MROH7: variants seen among roughly 807,000 people sequenced by gnomAD.
MROH7 encodes the protein maestro heat like repeat family member 7.
A neutral mutation model predicts 129.2 loss-of-function variants in MROH7; 113 were observed. The ratio of observed to expected loss-of-function variants is 0.87; its 90% confidence interval spans 0.75 to 1.02. MROH7 has a LOEUF of 1.02. Ranked by LOEUF, MROH7 falls within the 50% of genes least tolerant of loss-of-function variation. The probability of loss-of-function intolerance (pLI) is 0.00; values close to 1 mark genes in which losing one functional copy is unlikely to be tolerated. For synonymous variants in MROH7, 655 were observed against 667.9 expected (o/e 0.98, Z 0.30); for missense variants, 1,601 against 1,671.3 (o/e 0.96, Z 0.73).
At chr1:54,673,302 T>G (rs1395694909) in intron 8 of MROH7, 116 bp downstream of exon 8, 1 of 737,870 alleles carries the variant, frequency 1.4e-6, no homozygotes, top group Non-Finnish European at 2.3e-6. Context: ...GGATGTCATC[T>G]TGTGTGAGTG....
intron 3 of MROH7, among the ~76,000 whole-genome samples, chr1:54,655,930 G>A (rs1406384236): frequency 3.6e-5 from 5 of 138,036 alleles, no homozygotes; most frequent in African/African-American, 8.2e-5. Context: ...GTCTTGCTCC[G>A]TCACCAAGGC....
At chr1:54,700,011 G>T in intron 17 of MROH7, 1 of 633,530 alleles carries the variant, frequency 1.6e-6, no homozygotes, top group East Asian at 2.7e-5. Flanking sequence ...TTGGTTGGAA[G>T]CTGGCTGGCT....
At chr1:54,652,518 C>A (rs906654833) in intron 2 of MROH7, among the ~76,000 whole-genome samples, 18 of 152,226 alleles carry the variant, frequency 1.2e-4, no homozygotes, top group Non-Finnish European at 2.9e-5. Context: ...AGAGCTAGAA[C>A]ACTAAATGAA....
chr1:54,702,255 C>A lies in MROH7; in HGVS notation c.3441+10C>A. On this transcript the variant is annotated intron_variant, in intron 20 of 23. Transcript: ENST00000421030. ...CTCCAAGGTAAGCCAGGTGAGTGTG[C>A]GTGGGCCCTGCACCCTCTACCCCTC... 6.7e-7 allele frequency: 1 copy of A among 1,496,442 alleles called. No individual in the cohort carries two copies. 92.7% of individuals were successfully genotyped at this position (1,496,442 alleles called of 1,614,324 possible).
At chr1:54,671,822 G>A (rs1178248974) in intron 7 of MROH7, among the ~76,000 whole-genome samples, 1 of 152,068 alleles carries the variant, frequency 6.6e-6, no homozygotes, top group Non-Finnish European at 1.5e-5. Context: ...TGGGGGAGAT[G>A]GATGGTATCA....
At chr1:54,643,772 T>C (rs1200047447) in intron 1 of MROH7, among the ~76,000 whole-genome samples, 1 of 152,216 alleles carries the variant, frequency 6.6e-6, no homozygotes, top group African/African-American at 2.4e-5. Context: ...CTTGCATGCA[T>C]TTTTATTTCA....
At chr1:54,673,216 G>A in intron 8 of MROH7, 30 bp downstream of exon 8, 3 of 1,534,490 alleles carry the variant, frequency 2.0e-6, no homozygotes, top group African/African-American at 1.4e-5. Flanking sequence ...AAGGAAGGGA[G>A]GGGAGGAAGG....
Position 54,686,247 on chromosome 1 carries a change from C to T in MROH7, c.2521-11C>T. ...CCACGACATCCCAGCAGCCTCCCCT[C>T]TGCCCCATAGGCAGCCAGCGGCCTG... On this transcript the variant is annotated splice_polypyrimidine_tract_variant and intron_variant, in intron 14 of 23. Coordinates refer to ENST00000421030, the MANE Select transcript of MROH7 (RefSeq NM_001039464.4). 1 of 1,607,162 alleles carries T rather than the reference C, an allele frequency of 6.2e-7. No individual in the cohort carries two copies. The highest frequency in any genetic ancestry group is 8.5e-7 in the Non-Finnish European group (1 of 1,176,146).
At chr1:54,686,200 C>A in intron 14 of MROH7, 58 bp from the exon 15 acceptor site, 2 of 1,497,166 alleles carry the variant, frequency 1.3e-6, no homozygotes, top group Non-Finnish European at 1.8e-6. Flanking sequence ...CAGGCCCCAG[C>A]CAGGAGTGCT....
Position 54,656,196 on chromosome 1 carries a change from A to G in MROH7, c.1231+2039A>G, listed in dbSNP as rs532692995. The stretch of plus-strand genomic sequence containing the variant: ...GGCATGAGCCACCACAGCTGTCCCA[A>G]TGTATTCTTTTTTAATTGAAAAGTT... On this transcript the variant is annotated intron_variant, in intron 3 of 23. Coordinates refer to ENST00000421030, the MANE Select transcript of MROH7 (RefSeq NM_001039464.4). Among the ~76,000 whole-genome samples, 11 of 150,814 alleles carry G rather than the reference A, an allele frequency of 7.3e-5. No homozygotes were observed. The East Asian group carries it at 1.2e-3, about 17-fold the overall frequency.
At chr1:54,701,083 G>T in intron 18 of MROH7, 60 bp from the exon 19 acceptor site, 1 of 1,566,662 alleles carries the variant, frequency 6.4e-7, no homozygotes, top group Non-Finnish European at 8.8e-7. Context: ...CAGAGGCTGG[G>T]TCTCTTCCTA....
At chr1:54,667,984 G>T (rs1187106040) in intron 4 of MROH7, among the ~76,000 whole-genome samples, 1 of 152,200 alleles carries the variant, frequency 6.6e-6, no homozygotes, top group Non-Finnish European at 1.5e-5. Flanking sequence ...AAGTTTGACT[G>T]GGCTTAGCTG....
At chr1:54,702,310 A>G in intron 20 of MROH7, 65 bp downstream of exon 20, 1 of 1,315,746 alleles carries the variant, frequency 7.6e-7, no homozygotes, top group Non-Finnish European at 9.9e-7. Flanking sequence ...ACCTCTTTTT[A>G]CGTTAACCAA....
At chr1:54,685,568 C>G (rs1447609549) in intron 14 of MROH7, among the ~76,000 whole-genome samples, 1 of 152,174 alleles carries the variant, frequency 6.6e-6, no homozygotes, top group African/African-American at 2.4e-5. Flanking sequence ...TTAGAGAGGA[C>G]TTGGTGGGCC....
At chr1:54,669,607 A>T (rs1644863566) in intron 5 of MROH7, among the ~76,000 whole-genome samples, 1 of 152,216 alleles carries the variant, frequency 6.6e-6, no homozygotes. Flanking sequence ...CCACTGCAGC[A>T]TCAAACTCCT....
intron 3 of MROH7, among the ~76,000 whole-genome samples, chr1:54,657,023 T>TA (rs1644659736): frequency 6.8e-6 from 1 of 147,028 alleles, no homozygotes; most frequent in Non-Finnish European, 1.5e-5. Flanking sequence ...TCTGTCTATA[T>TA]AAAAAACAAA....
At position 54,653,030 on chromosome 1, in the gene MROH7, C is replaced by A; in HGVS notation, c.104C>A (p.Pro35His). ...GAPGLGSGTI[P>H]QPHPDMAQVP... Reference sequence around the variant, plus strand: ...CCGGGATTAGGGTCTGGTACCATCCCTCAGCCCCACCCAGACATGGCTCAG... The same window carrying A: ...CCGGGATTAGGGTCTGGTACCATCCATCAGCCCCACCCAGACATGGCTCAG... The change falls in exon 3 of 24, where the codon CCT becomes CAT. Residue 35 changes from proline (P) to histidine (H), a missense_variant. Pro to His is a moderately conservative substitution (Grantham distance 77). Coordinates refer to ENST00000421030, the MANE Select transcript of MROH7 (RefSeq NM_001039464.4). 1 of 1,614,200 alleles carries A rather than the reference C, an allele frequency of 6.2e-7. No individual in the cohort carries two copies.
intron 4 of MROH7, 58 bp downstream of exon 4, chr1:54,665,298 C>T: frequency 7.1e-7 from 1 of 1,416,716 alleles, no homozygotes; most frequent in Non-Finnish European, 9.9e-7. Context: ...TCCTGCCAAC[C>T]CCCTACCCCC....
At chr1:54,674,681 A>G (rs1569918038) in intron 10 of MROH7, among the ~76,000 whole-genome samples, 1 of 152,314 alleles carries the variant, frequency 6.6e-6, no homozygotes, top group South Asian at 2.1e-4. Flanking sequence ...TCCTTGATTC[A>G]GCTTCAGGGA....
Sources: gnomAD v4.1 joint callset for allele counts (sites outside exome capture counted in the v4.1 genomes callset) on GRCh38, gnomAD v4.1.1 for gene constraint, MANE v1.5 for transcripts, NCBI Gene and HGNC (gene_info 2026-07-23, HGNC 2026-07-21) for gene names.